Variants in MRTFB observed in about 807,000 individuals in gnomAD.
The protein encoded by MRTFB is myocardin related transcription factor B, also known as myocardin-related transcription factor B.
A neutral mutation model predicts 104.2 loss-of-function variants in MRTFB; 29 were observed. The ratio of observed to expected loss-of-function variants is 0.28; its 90% CI spans 0.21 to 0.38. The LOEUF is 0.38. Ranked by LOEUF, MRTFB falls within the 10% of genes least tolerant of loss-of-function variation. MRTFB has a pLI of 1.00. For missense variants in MRTFB, 1,270 were observed against 1,341.6 expected (o/e 0.95, Z 0.83); for synonymous variants, 535 against 519.5 (o/e 1.03, Z -0.41).
chr16:14,088,857 GA>G (rs1445620573), intron 2 of MRTFB, among the ~76,000 whole-genome samples: 6 of 152,216 alleles, frequency 3.9e-5, no homozygotes, highest in Non-Finnish European at 7.3e-5. Context: ...TAATCAAAGA[GA>G]AGCAGTTCTG....
At chr16:14,127,900 AATATATATATATAT>A (rs1194977108) in intron 2 of MRTFB, among the ~76,000 whole-genome samples, 4 of 49,548 alleles carry the variant, frequency 8.1e-5, no homozygotes, top group Admixed American at 2.2e-4. Context: ...AGCAAAACTG[AATATATATATATAT>A]ATATATATAT....
chr16:14,263,597 A>G lies in MRTFB; in HGVS notation c.*2153A>G, dbSNP rs1242635884. 2 of 152,166 alleles carry G rather than the reference A, an allele frequency of 1.3e-5. No homozygotes were observed. The highest frequency in any genetic ancestry group is 1.9e-4 in the East Asian group (1 of 5,196). The allele number at this position is 152,166 out of a possible 1,614,324, so 9.4% of individuals were successfully genotyped here. A position where few individuals can be genotyped will look rare whatever the true frequency, so the allele number is the denominator to read the frequency against. ...ATATTTCCATAATCCTGAATTGTGTAGATAGTTTTCTAGCTCTCGGGTCCC... is the reference window on the plus strand; with the variant it reads ...ATATTTCCATAATCCTGAATTGTGTGGATAGTTTTCTAGCTCTCGGGTCCC... On this transcript the variant is annotated 3_prime_UTR_variant, in exon 17 of 17. Coordinates refer to ENST00000571589, the MANE Select transcript of MRTFB (RefSeq NM_001308142.2).
At chr16:14,225,394 A>AT (rs763300658) in intron 8 of MRTFB, among the ~76,000 whole-genome samples, 1 of 151,788 alleles carries the variant, frequency 6.6e-6, no homozygotes, top group African/African-American at 2.4e-5. Context: ...AAGAAGTAGC[A>AT]TTTTTTTATG....
rs140605681 is a variant in MRTFB, at chr16:14,195,739, T to C, written c.155-14504T>C. The C allele has an allele frequency of 4.5e-4, 89 of 199,838 alleles. 1 individual carries two copies. The highest frequency in any genetic ancestry group is 2.1e-3 in the African/African-American group (87 of 42,412). The allele number at this position is 199,838 out of a possible 1,614,324, so 12.4% of individuals were successfully genotyped here. The stretch of plus-strand genomic sequence containing the variant: ...TTATAGAGGGATTCAGAAGCAGAGC[T>C]TTAGCTTGTAGCACTAGCTCTACCT... On this transcript the variant is annotated intron_variant, in intron 3 of 16. Transcript: ENST00000571589.
intron 16 of MRTFB, among the ~76,000 whole-genome samples, chr16:14,260,700 C>T (rs1453805857): frequency 1.1e-4 from 16 of 152,106 alleles, no homozygotes; most frequent in Non-Finnish European, 2.4e-4. Flanking sequence ...ATGTAATAAA[C>T]TTTTATGTTT....
chr16:14,141,543 A>G (rs796772622), intron 3 of MRTFB: 2 of 152,198 alleles, frequency 1.3e-5, no homozygotes, highest in South Asian at 4.1e-4. Context: ...CACACTCACA[A>G]GTATATTTGT....
chr16:14,171,418 G>A (rs1423287037), intron 3 of MRTFB, among the ~76,000 whole-genome samples: 2 of 151,940 alleles, frequency 1.3e-5, no homozygotes, highest in Non-Finnish European at 1.5e-5. Flanking sequence ...TCTCTTGAAC[G>A]TGGGAGACAG....
At chr16:14,149,400 G>A (rs779931385) in intron 3 of MRTFB, 3 of 152,192 alleles carry the variant, frequency 2.0e-5, no homozygotes, top group Non-Finnish European at 2.9e-5. Flanking sequence ...ACTGACAAGT[G>A]TTACAGTTGG....
chr16:14,135,991 C>A (rs1408253932), intron 2 of MRTFB, among the ~76,000 whole-genome samples: 2 of 152,226 alleles, frequency 1.3e-5, no homozygotes, highest in Non-Finnish European at 1.5e-5. Context: ...TAAATAGAGG[C>A]CAGGCGCGGT....
chr16:14,125,331 A>G (rs764228454), intron 2 of MRTFB, among the ~76,000 whole-genome samples: 2 of 152,204 alleles, frequency 1.3e-5, no homozygotes, highest in South Asian at 2.1e-4. Context: ...CAGCAAGGCC[A>G]TTTCTGTTTC....
intron 3 of MRTFB, among the ~76,000 whole-genome samples, chr16:14,171,043 G>A (rs1315203661): frequency 6.6e-6 from 1 of 152,092 alleles, no homozygotes; most frequent in Non-Finnish European, 1.5e-5. Flanking sequence ...CTCAGATTTG[G>A]CCACCTCCTT....
chr16:14,058,534 T>C, the MRTFB span, among the ~76,000 whole-genome samples: 1 of 151,864 alleles, frequency 6.6e-6, no homozygotes, highest in Non-Finnish European at 1.5e-5. Flanking sequence ...TCATTTCACA[T>C]CTGGGAAACA....
intron 3 of MRTFB, among the ~76,000 whole-genome samples, chr16:14,198,675 C>G (rs898782310): frequency 5.3e-5 from 8 of 152,218 alleles, no homozygotes; most frequent in Non-Finnish European, 7.3e-5. Flanking sequence ...TTACCCATCT[C>G]ACTTGGAACA....
intron 2 of MRTFB, among the ~76,000 whole-genome samples, chr16:14,112,383 T>C (rs1313040491): frequency 1.3e-5 from 2 of 151,758 alleles, no homozygotes; most frequent in Admixed American, 6.6e-5. Context: ...GATGACGGGG[T>C]TCAAAGGTAG....
chr16:14,114,321 C>T (rs893030544), intron 2 of MRTFB, among the ~76,000 whole-genome samples: 2 of 152,136 alleles, frequency 1.3e-5, no homozygotes, highest in Admixed American at 1.3e-4. Context: ...CAGTATAGAA[C>T]TATTCATTTT....
At chr16:14,069,334 C>G (rs2033557850), upstream of MRTFB, among the ~76,000 whole-genome samples, 1 of 150,952 alleles carries the variant, frequency 6.6e-6, no homozygotes, top group African/African-American at 2.4e-5. Context: ...AGGCCTGTAG[C>G]CTCGAACTGA....
At position 14,089,561 on chromosome 16, in the gene MRTFB, G is replaced by A. The variant is rs149996320; in HGVS notation, c.-64+10207G>A. 2.4e-4 allele frequency among the ~76,000 whole-genome samples: 37 copies of A among 152,116 alleles called. No individual in the cohort carries two copies. In the East Asian group the frequency reaches 6.6e-3, roughly 27 times the overall value. On this transcript the variant is annotated intron_variant, in intron 2 of 16. Transcript: ENST00000571589. ...ACATTGTGGTGGTTTCCACTTTTTG[G>A]TTATTATGAATCATACTGCTGTGAA...
the MRTFB span, among the ~76,000 whole-genome samples, chr16:14,016,571 G>A: frequency 1.3e-5 from 2 of 151,930 alleles, no homozygotes; most frequent in African/African-American, 4.8e-5. Flanking sequence ...TCGGGAGTTC[G>A]AGACCAGCCT....
chr16:14,072,816 G>A (rs1305834312), intron 1 of MRTFB, among the ~76,000 whole-genome samples: 1 of 152,180 alleles, frequency 6.6e-6, no homozygotes, highest in Non-Finnish European at 1.5e-5. Flanking sequence ...ATAACAGACT[G>A]TCTCAATAAA....
Sources: allele counts gnomAD v4.1 joint callset (sites outside exome capture counted in the v4.1 genomes callset), GRCh38; gene constraint gnomAD v4.1.1; transcripts MANE v1.5; gene names NCBI Gene and HGNC (gene_info 2026-07-23, HGNC 2026-07-21).